CAAP1: variants seen among roughly 807,000 people sequenced by gnomAD.
CAAP1 encodes conserved anti-apoptotic protein.
In CAAP1, 20 loss-of-function variants were observed where a neutral mutation model predicts 34.0. The ratio of observed to expected loss-of-function variants is 0.59; its 90% confidence interval spans 0.41 to 0.86. The LOEUF is 0.86. CAAP1 is among the 40% of genes least tolerant of loss of function. CAAP1 has a pLI of 0.00. For synonymous variants in CAAP1, 213 were observed against 166.7 expected (o/e 1.28, Z -2.14); for missense variants, 538 against 450.5 (o/e 1.19, Z -1.76).
At position 26,883,469 on chromosome 9, in the gene CAAP1, G is replaced by C. The variant is rs141524624; in HGVS notation, c.665+1341C>G. ...TTTTCCTTATAAATTACCCAGTCTT[G>C]GGTATGTCTTTATCAGCAACATGAA... On this transcript the variant is annotated intron_variant, in intron 4 of 5. Transcript: ENST00000333916. Among the ~76,000 whole-genome samples the C allele has an allele frequency of 6.9e-3, 1,045 of 152,134 alleles. 8 individuals are homozygous for C. Among genetic ancestry groups the C allele is most frequent in the Non-Finnish European group, 0.012 (829 of 68,010 alleles).
intron 1 of CAAP1, among the ~76,000 whole-genome samples, chr9:26,887,767 A>T (rs1285942968): frequency 6.6e-6 from 1 of 152,210 alleles, no homozygotes; most frequent in African/African-American, 2.4e-5. Flanking sequence ...AAAGTATAGT[A>T]AATATTGAAT....
intron 5 of CAAP1, among the ~76,000 whole-genome samples, chr9:26,855,145 AT>A (rs1822839920): frequency 6.6e-6 from 1 of 152,260 alleles, no homozygotes; most frequent in Non-Finnish European, 1.5e-5. Context: ...AATGGAAAAT[AT>A]TCAGCAATAA....
At chr9:26,874,734 C>G (rs889789730) in intron 4 of CAAP1, among the ~76,000 whole-genome samples, 1 of 152,120 alleles carries the variant, frequency 6.6e-6, no homozygotes, top group African/African-American at 2.4e-5. Flanking sequence ...CTTATGACTA[C>G]TGCTTTCTTG....
At chr9:26,863,424 A>G (rs1280038266) in intron 4 of CAAP1, among the ~76,000 whole-genome samples, 1 of 152,200 alleles carries the variant, frequency 6.6e-6, no homozygotes, top group Non-Finnish European at 1.5e-5. Flanking sequence ...TATGACTAAA[A>G]TATAAAGTTC....
At chr9:26,883,672 T>A (rs1374463946) in intron 4 of CAAP1, among the ~76,000 whole-genome samples, 1 of 152,184 alleles carries the variant, frequency 6.6e-6, no homozygotes, top group African/African-American at 2.4e-5. Flanking sequence ...GGATTCTCTG[T>A]AAGTAGCATC....
At chr9:26,877,316 C>T (rs927449050) in intron 4 of CAAP1, among the ~76,000 whole-genome samples, 1 of 151,930 alleles carries the variant, frequency 6.6e-6, no homozygotes, top group Non-Finnish European at 1.5e-5. Context: ...AAATCCAAAA[C>T]ATTTCTGGCC....
intron 5 of CAAP1, among the ~76,000 whole-genome samples, chr9:26,855,268 C>T (rs1162645077): frequency 2.0e-5 from 3 of 152,092 alleles, no homozygotes; most frequent in African/African-American, 7.2e-5. Flanking sequence ...ACAGAGATTC[C>T]AGGACAAGCA....
At chr9:26,849,301 A>G (rs1822687534) in intron 5 of CAAP1, among the ~76,000 whole-genome samples, 1 of 152,010 alleles carries the variant, frequency 6.6e-6, no homozygotes, top group Non-Finnish European at 1.5e-5. Context: ...CTCATAAGCT[A>G]TTTGCTCCAT....
At chr9:26,865,301 G>A (rs934021706) in intron 4 of CAAP1, among the ~76,000 whole-genome samples, 2 of 152,194 alleles carry the variant, frequency 1.3e-5, no homozygotes, top group African/African-American at 4.8e-5. Context: ...AAGGTAGGCA[G>A]ATCACCTGAG....
intron 5 of CAAP1, among the ~76,000 whole-genome samples, chr9:26,853,168 G>A (rs1009575686): frequency 1.3e-5 from 2 of 152,132 alleles, no homozygotes; most frequent in Non-Finnish European, 2.9e-5. Flanking sequence ...AGACTCCCGG[G>A]AGCATGGATA....
At chr9:26,843,150 G>A (rs941092082) in intron 5 of CAAP1, among the ~76,000 whole-genome samples, 7 of 152,124 alleles carry the variant, frequency 4.6e-5, no homozygotes, top group East Asian at 1.9e-4. Context: ...CTTTTCATAC[G>A]CTTTTTCAAA....
chr9:26,860,620 GTC>G (rs1822982180), intron 5 of CAAP1, among the ~76,000 whole-genome samples: 1 of 152,034 alleles, frequency 6.6e-6, no homozygotes, highest in South Asian at 2.1e-4. Context: ...GTGAAACCCT[GTC>G]TCTACTAAAA....
At chr9:26,851,543 AGT>A (rs1822753960) in intron 5 of CAAP1, among the ~76,000 whole-genome samples, 1 of 152,230 alleles carries the variant, frequency 6.6e-6, no homozygotes. Context: ...GGATCAGATA[AGT>A]GGATATTTTT....
At chr9:26,868,348 A>G (rs549954833) in intron 4 of CAAP1, among the ~76,000 whole-genome samples, 1 of 152,334 alleles carries the variant, frequency 6.6e-6, no homozygotes, top group African/African-American at 2.4e-5. Flanking sequence ...AAATGGCAAT[A>G]TCACCCTGGA....
At chr9:26,865,260 C>T (rs1823107223) in intron 4 of CAAP1, among the ~76,000 whole-genome samples, 1 of 152,186 alleles carries the variant, frequency 6.6e-6, no homozygotes, top group African/African-American at 2.4e-5. Context: ...GGCAGTGGCT[C>T]ATGCCTGTAA....
intron 1 of CAAP1, among the ~76,000 whole-genome samples, chr9:26,888,471 A>G (rs1823808622): frequency 6.6e-6 from 1 of 152,238 alleles, no homozygotes; most frequent in African/African-American, 2.4e-5. Context: ...ACAATTCAAC[A>G]GTCATTTCCT....
intron 2 of CAAP1, 74 bp from the exon 3 acceptor site, chr9:26,886,262 TA>T: frequency 1.4e-6 from 1 of 694,438 alleles, no homozygotes; most frequent in Non-Finnish European, 2.2e-6. Context: ...ATTTCAATCA[TA>T]AAAATTTAAG....
chr9:26,852,682 T>A (rs1822780202), intron 5 of CAAP1, among the ~76,000 whole-genome samples: 1 of 152,132 alleles, frequency 6.6e-6, no homozygotes, highest in African/African-American at 2.4e-5. Flanking sequence ...AGTAGACATG[T>A]GATAGATCAA....
intron 5 of CAAP1, among the ~76,000 whole-genome samples, chr9:26,846,415 C>CAAAAAAAAAAAAAAAAA (rs761402354): frequency 3.2e-5 from 2 of 61,750 alleles, no homozygotes; most frequent in African/African-American, 5.6e-5. Context: ...GACTCTGTCT[C>CAAAAAAAAAAAAAAAAA]AAAAAAAAAA....
Sources: allele counts gnomAD v4.1 joint callset (sites outside exome capture counted in the v4.1 genomes callset), GRCh38; gene constraint gnomAD v4.1.1; transcripts MANE v1.5; gene names NCBI Gene and HGNC (gene_info 2026-07-23, HGNC 2026-07-21).